KCNQ5: variants seen among roughly 807,000 people sequenced by gnomAD.
KCNQ5 encodes potassium voltage-gated channel subfamily Q member 5, also known as potassium voltage-gated channel subfamily KQT member 5.
A neutral mutation model predicts 98.2 loss-of-function variants in KCNQ5; 30 were observed. The ratio of observed to expected loss-of-function variants is 0.31; its 90% confidence interval spans 0.23 to 0.41. The LOEUF (loss-of-function observed/expected upper bound fraction) is 0.41, where lower values mean the gene tolerates loss of function less well. KCNQ5 is among the 10% of genes least tolerant of loss of function. KCNQ5 has a pLI of 1.00. For synonymous variants in KCNQ5, 458 were observed against 449.4 expected (o/e 1.02, Z -0.24); for missense variants, 835 against 1,182.5 (o/e 0.71, Z 4.31).
intron 1 of KCNQ5, among the ~76,000 whole-genome samples, chr6:72,781,409 A>G (rs900292973): frequency 6.6e-6 from 1 of 152,186 alleles, no homozygotes; most frequent in African/African-American, 2.4e-5. Context: ...TGTGGTAGTT[A>G]TGGCAGCCCT....
chr6:72,879,137 GTATAATTTTTAGGT>G (rs1305074881), intron 1 of KCNQ5, among the ~76,000 whole-genome samples: 1 of 152,032 alleles, frequency 6.6e-6, no homozygotes, highest in Non-Finnish European at 1.5e-5. Flanking sequence ...AAATCCAGAA[GTATAATTTTTAGGT>G]TATAGGTTCT....
chr6:72,877,351 A>G (rs1234392402), intron 1 of KCNQ5, among the ~76,000 whole-genome samples: 1 of 152,102 alleles, frequency 6.6e-6, no homozygotes, highest in Non-Finnish European at 1.5e-5. Flanking sequence ...TGCTGAGGAT[A>G]ATAGCTTCCA....
At chr6:72,873,736 A>G (rs1778302431) in intron 1 of KCNQ5, among the ~76,000 whole-genome samples, 1 of 152,088 alleles carries the variant, frequency 6.6e-6, no homozygotes, top group African/African-American at 2.4e-5. Flanking sequence ...AATAATCTAG[A>G]AAAAACTGTT....
chr6:72,760,381 T>G (rs1208114146), intron 1 of KCNQ5, among the ~76,000 whole-genome samples: 2 of 152,014 alleles, frequency 1.3e-5, no homozygotes, highest in African/African-American at 4.8e-5. Context: ...GGAGAGCCAG[T>G]GGCTTGGCTT....
intron 2 of KCNQ5, among the ~76,000 whole-genome samples, chr6:73,036,833 A>T (rs1366887910): frequency 6.6e-6 from 1 of 152,214 alleles, no homozygotes; most frequent in African/African-American, 2.4e-5. Context: ...TTGTACAAAC[A>T]TAAGTTTTCA....
intron 1 of KCNQ5, among the ~76,000 whole-genome samples, chr6:72,749,827 T>G (rs1771588192): frequency 1.3e-5 from 2 of 152,262 alleles, no homozygotes; most frequent in South Asian, 2.1e-4. Flanking sequence ...CTTTTTCATT[T>G]ATTTCTTCAG....
chr6:72,746,921 A>G (rs558040471), intron 1 of KCNQ5, among the ~76,000 whole-genome samples: 1 of 152,292 alleles, frequency 6.6e-6, no homozygotes, highest in East Asian at 1.9e-4. Flanking sequence ...TATCTAGCAG[A>G]ACTGCAAACT....
intron 1 of KCNQ5, among the ~76,000 whole-genome samples, chr6:72,669,696 AAG>A (rs1366615349): frequency 6.6e-6 from 1 of 152,188 alleles, no homozygotes; most frequent in Non-Finnish European, 1.5e-5. Context: ...TGTAGAACCC[AAG>A]AAGTTCGACA....
At chr6:72,827,476 T>C (rs1042282147) in intron 1 of KCNQ5, among the ~76,000 whole-genome samples, 2 of 152,148 alleles carry the variant, frequency 1.3e-5, no homozygotes, top group Admixed American at 6.6e-5. Context: ...TTCCTGATGA[T>C]TAGTGATGTC....
chr6:72,744,911 G>A (rs1771306965), intron 1 of KCNQ5, among the ~76,000 whole-genome samples: 1 of 152,094 alleles, frequency 6.6e-6, no homozygotes, highest in Admixed American at 6.5e-5. Context: ...AGGTTTTTTG[G>A]GAAACATGAG....
At chr6:72,790,246 A>C (rs1432437860) in intron 1 of KCNQ5, among the ~76,000 whole-genome samples, 1 of 152,216 alleles carries the variant, frequency 6.6e-6, no homozygotes, top group Non-Finnish European at 1.5e-5. Flanking sequence ...AAAGTAGTGA[A>C]AGTTCCTCAA....
intron 1 of KCNQ5, among the ~76,000 whole-genome samples, chr6:72,844,858 G>A (rs978241389): frequency 2.0e-5 from 3 of 152,156 alleles, no homozygotes; most frequent in African/African-American, 7.2e-5. Flanking sequence ...TTTGCTGACT[G>A]ACACAACAAT....
chr6:72,694,251 C>A (rs1182430468), intron 1 of KCNQ5, among the ~76,000 whole-genome samples: 1 of 152,056 alleles, frequency 6.6e-6, no homozygotes, highest in African/African-American at 2.4e-5. Context: ...CATCTGTGAC[C>A]CTTAGAAGGG....
At chr6:72,884,140 G>T (rs1295398498) in intron 1 of KCNQ5, among the ~76,000 whole-genome samples, 1 of 152,150 alleles carries the variant, frequency 6.6e-6, no homozygotes, top group Non-Finnish European at 1.5e-5. Context: ...ACTGAGGTTT[G>T]AATTATTTGA....
intron 1 of KCNQ5, among the ~76,000 whole-genome samples, chr6:72,997,782 C>CAAAA (rs70994154): frequency 2.9e-4 from 18 of 62,052 alleles, no homozygotes; most frequent in East Asian, 1.3e-3. Flanking sequence ...GACTCTGTCT[C>CAAAA]AAAAAAAAAA....
intron 3 of KCNQ5, among the ~76,000 whole-genome samples, chr6:73,051,758 A>G (rs988388370): frequency 1.3e-5 from 2 of 151,180 alleles, no homozygotes; most frequent in Non-Finnish European, 2.9e-5. Context: ...AAGGACAGCA[A>G]TTTCAAAGAC....
In KCNQ5 at chr6:73,006,612, C is replaced by T. The variant is rs1010308114; in HGVS notation, c.489+2614C>T. Among the ~76,000 whole-genome samples the T allele has an allele frequency of 2.0e-5, 3 of 152,094 alleles. 1 individual carries two copies. Among genetic ancestry groups the T allele is most frequent in the African/African-American group, 7.2e-5 (3 of 41,386 alleles). On this transcript the variant is annotated intron_variant, in intron 2 of 13. Transcript: ENST00000370398. ...AGGTTGCAGTGAACCGGGATCGCAC[C>T]ACTGCACTCCAGCCTGGGCAACAGA...
At chr6:72,954,280 TC>T (rs1766940270) in intron 1 of KCNQ5, among the ~76,000 whole-genome samples, 1 of 152,098 alleles carries the variant, frequency 6.6e-6, no homozygotes, top group African/African-American at 2.4e-5. Flanking sequence ...TTACTGCTGT[TC>T]AAGAGGAAAG....
chr6:72,902,349 A>T (rs1779540920), intron 1 of KCNQ5, among the ~76,000 whole-genome samples: 1 of 152,176 alleles, frequency 6.6e-6, no homozygotes, highest in Non-Finnish European at 1.5e-5. Context: ...CTCTTGTCTG[A>T]TCGCTCTGGC....
Sources: gnomAD v4.1 joint callset for allele counts (sites outside exome capture counted in the v4.1 genomes callset) on GRCh38, gnomAD v4.1.1 for gene constraint, MANE v1.5 for transcripts, NCBI Gene and HGNC (gene_info 2026-07-23, HGNC 2026-07-21) for gene names.